DLG2: variants seen among roughly 807,000 people sequenced by gnomAD.
DLG2 encodes disks large homolog 2.
Under a neutral mutation model 132.5 loss-of-function variants are expected in DLG2, and 45 were observed. That is an observed-to-expected ratio of 0.34 (90% CI 0.27 to 0.44). DLG2 has a LOEUF of 0.44. Ranked by LOEUF, DLG2 falls within the 20% of genes least tolerant of loss-of-function variation. The pLI, the probability that DLG2 is intolerant of heterozygous loss-of-function variation, is 1.00. For synonymous variants in DLG2, 424 were observed against 419.6 expected, an observed-to-expected ratio of 1.01 and a Z score of -0.13; for missense variants, 1,045 against 1,196.9, an observed-to-expected ratio of 0.87 and a Z score of 1.87.
At chr11:84,502,118 C>G (rs1473433020) in intron 7 of DLG2, among the ~76,000 whole-genome samples, 1 of 77,698 alleles carries the variant, frequency 1.3e-5, no homozygotes, top group Non-Finnish European at 2.9e-5. Flanking sequence ...CTCTGTCTTT[C>G]TCTCTTTCTC....
intron 5 of DLG2, among the ~76,000 whole-genome samples, chr11:85,146,102 G>C (rs2076821852): frequency 6.6e-6 from 1 of 152,068 alleles, no homozygotes; most frequent in Non-Finnish European, 1.5e-5. Flanking sequence ...ACTCCTAGAG[G>C]TACCACCTTG....
Position 85,582,689 on chromosome 11 carries a change from A to C in DLG2, c.40+15968T>G, listed in dbSNP as rs1351673945. Among the ~76,000 whole-genome samples the C allele has an allele frequency of 1.9e-3, 258 of 138,296 alleles. 3 individuals carry two copies. The highest frequency in any genetic ancestry group is 6.3e-3 in the African/African-American group (228 of 36,044). 90.7% of individuals were successfully genotyped at this position (138,296 alleles called of 152,430 possible). A position where few individuals can be genotyped will look rare whatever the true frequency, so the allele number is the denominator to read the frequency against. Reference sequence around the variant, plus strand: ...AAAAAAAAAAAAAAAAAAAAAAAAAAAAAAAAAAAAAAAAAACTCGTGCAG... The same window carrying C: ...AAAAAAAAAAAAAAAAAAAAAAAAACAAAAAAAAAAAAAAAACTCGTGCAG... On this transcript the variant is annotated intron_variant, in intron 3 of 27. Transcript: ENST00000376104.
chr11:84,812,525 T>C (rs1257134910), intron 6 of DLG2, among the ~76,000 whole-genome samples: 2 of 152,198 alleles, frequency 1.3e-5, no homozygotes, highest in African/African-American at 2.4e-5. Context: ...TCCTGTGTCA[T>C]GTGATGCCTC....
At chr11:83,611,192 TA>T (rs1388847790) in intron 19 of DLG2, among the ~76,000 whole-genome samples, 1 of 152,118 alleles carries the variant, frequency 6.6e-6, no homozygotes, top group African/African-American at 2.4e-5. Context: ...TCTGTGGTGT[TA>T]AAAAAATTAT....
intron 3 of DLG2, among the ~76,000 whole-genome samples, chr11:85,380,927 C>G (rs2085831904): frequency 6.6e-6 from 1 of 152,024 alleles, no homozygotes; most frequent in Non-Finnish European, 1.5e-5. Context: ...CTAACAAGAC[C>G]AAGGGAAAAA....
intron 6 of DLG2, among the ~76,000 whole-genome samples, chr11:84,621,325 G>A (rs995259216): frequency 1.1e-4 from 17 of 152,254 alleles, no homozygotes; most frequent in Middle Eastern, 6.8e-3. Context: ...AACTGGAGTA[G>A]AGGAAGTCTG....
At chr11:85,331,076 C>T (rs898474676) in intron 3 of DLG2, among the ~76,000 whole-genome samples, 1 of 152,088 alleles carries the variant, frequency 6.6e-6, no homozygotes, top group Admixed American at 6.5e-5. Context: ...CTAAAATATG[C>T]CCAAGTACAA....
At chr11:84,369,340 G>T (rs931556269) in intron 7 of DLG2, among the ~76,000 whole-genome samples, 10 of 152,068 alleles carry the variant, frequency 6.6e-5, no homozygotes, top group Non-Finnish European at 8.8e-5. Context: ...AAAAGTATAA[G>T]TTCCTGTAAG....
chr11:84,779,105 C>A (rs1043120207), intron 6 of DLG2, among the ~76,000 whole-genome samples: 22 of 152,064 alleles, frequency 1.4e-4, no homozygotes, highest in African/African-American at 4.6e-4. Context: ...TGCCCCTCAA[C>A]TTGCAGATGG....
intron 19 of DLG2, among the ~76,000 whole-genome samples, chr11:83,547,652 C>G (rs1046783948): frequency 2.6e-5 from 4 of 152,124 alleles, no homozygotes; most frequent in Admixed American, 6.6e-5. Flanking sequence ...GAGCAGAAAA[C>G]AATTCTCCTA....
At chr11:83,882,082 T>C (rs2066428521) in intron 15 of DLG2, among the ~76,000 whole-genome samples, 2 of 152,120 alleles carry the variant, frequency 1.3e-5, no homozygotes, top group Non-Finnish European at 1.5e-5. Flanking sequence ...TAAGTTATAA[T>C]TTACGTAAGA....
intron 8 of DLG2, among the ~76,000 whole-genome samples, chr11:84,193,925 A>C (rs2096463362): frequency 6.6e-6 from 1 of 152,180 alleles, no homozygotes; most frequent in Admixed American, 6.5e-5. Flanking sequence ...ATTACCACAG[A>C]ATCATCAACA....
At chr11:83,699,325 C>T (rs1439846367) in intron 18 of DLG2, among the ~76,000 whole-genome samples, 1 of 152,080 alleles carries the variant, frequency 6.6e-6, no homozygotes, top group Non-Finnish European at 1.5e-5. Flanking sequence ...TTGGGCTACT[C>T]CACACTTGTA....
At chr11:84,170,917 A>G (rs1348508590) in intron 8 of DLG2, among the ~76,000 whole-genome samples, 1 of 152,062 alleles carries the variant, frequency 6.6e-6, no homozygotes, top group East Asian at 1.9e-4. Flanking sequence ...AAAGATCCTA[A>G]CTGGCAACCC....
chr11:85,087,864 A>G (rs796865132), intron 6 of DLG2, among the ~76,000 whole-genome samples: 10 of 149,188 alleles, frequency 6.7e-5, no homozygotes, highest in African/African-American at 2.4e-4. Context: ...AAAAAAAAAA[A>G]AAAAACAGAT....
In DLG2 at chr11:83,980,619, C is replaced by A. The variant is rs1402796850; in HGVS notation, c.943G>T (p.Gly315Cys). The change falls in exon 12 of 28, where the codon GGT becomes TGT. Residue 315 changes from glycine to cysteine, a missense_variant. Transcript: ENST00000376104. ...PKGLGFSIAG[G>C]VGNQHIPGDN... is the part of the protein sequence containing the mutation. ...CCAGGAATGTGTTGGTTCCCCACAC[C>A]TCCTGCAATACTGAAGCCTAAACCT... is the stretch of plus-strand genomic sequence containing the variant. 6.2e-7 allele frequency: 1 copy of A among 1,612,694 alleles called. No homozygotes were observed. Among genetic ancestry groups the A allele is most frequent in the Admixed American group, 1.7e-5 (1 of 59,864 alleles).
At chr11:85,585,877 C>T (rs1205554794) in intron 3 of DLG2, among the ~76,000 whole-genome samples, 5 of 152,074 alleles carry the variant, frequency 3.3e-5, no homozygotes, top group African/African-American at 7.2e-5. Flanking sequence ...CAATGCCCGG[C>T]TAATTTTTTT....
chr11:84,809,621 T>A (rs1347884019), intron 6 of DLG2, among the ~76,000 whole-genome samples: 1 of 152,024 alleles, frequency 6.6e-6, no homozygotes, highest in Non-Finnish European at 1.5e-5. Context: ...TGTTTCTACA[T>A]ATTATCAATC....
At chr11:85,564,085 T>C (rs1038358567) in intron 3 of DLG2, among the ~76,000 whole-genome samples, 1 of 152,056 alleles carries the variant, frequency 6.6e-6, no homozygotes, top group African/African-American at 2.4e-5. Context: ...CATTAGAATA[T>C]CTTGTTTTCA....
Sources: allele counts gnomAD v4.1 joint callset (sites outside exome capture counted in the v4.1 genomes callset), GRCh38; gene constraint gnomAD v4.1.1; transcripts MANE v1.5; gene names NCBI Gene and HGNC (gene_info 2026-07-23, HGNC 2026-07-21).